The following HUWE1 variants were observed in gnomAD, a reference collection of about 807,000 sequenced individuals.
HUWE1 encodes E3 ubiquitin-protein ligase HUWE1.
HUWE1 carries 18 observed loss-of-function variants against 299.4 expected under a neutral mutation model. The observed-to-expected ratio is 0.06, with a 90% confidence interval of 0.04 to 0.09. HUWE1 has a LOEUF of 0.09. HUWE1 is among the 10% of genes least tolerant of loss of function. The pLI, the probability that HUWE1 is intolerant of heterozygous loss-of-function variation, is 1.00. For synonymous variants in HUWE1, 1,317 were observed against 1,286.1 expected (o/e 1.02, Z -0.51); for missense variants, 1,832 against 3,462.3 (o/e 0.53, Z 11.82).
Position 53,551,362 on chromosome X carries a change from G to A in HUWE1, c.9000C>T (p.Ser3000=). 1 of 1,209,565 alleles carries A rather than the reference G, an allele frequency of 8.3e-7. No individual in the cohort carries two copies. The highest frequency in any genetic ancestry group is 1.1e-6 in the Non-Finnish European group (1 of 894,342). The change falls in exon 64 of 84, where the codon TCC becomes TCT. Residue 3000 remains serine, a synonymous_variant. Coordinates refer to ENST00000262854, the MANE Select transcript of HUWE1 (RefSeq NM_031407.7). ...CCACTGCAGGCGCTGAGCTATTTGTGGAGGGGGCAGTCCGGGTTGGTGGAC... is the reference window on the plus strand; with the variant it reads ...CCACTGCAGGCGCTGAGCTATTTGTAGAGGGGGCAGTCCGGGTTGGTGGAC... ...GIRPPTRTAP[S]TNSSAPAVVG... is the part of the protein sequence containing the mutation.
intron 39 of HUWE1, among the ~76,000 whole-genome samples, chrX:53,586,197 T>C (rs1556973124): frequency 8.9e-6 from 1 of 112,156 alleles, no homozygotes; most frequent in Admixed American, 9.4e-5. Context: ...AGTGAGATGA[T>C]GTGGCACAAT....
intron 19 of HUWE1, among the ~76,000 whole-genome samples, chrX:53,618,086 AACTCT>A (rs1350954022): frequency 1.8e-5 from 2 of 112,146 alleles, no homozygotes; most frequent in Non-Finnish European, 3.8e-5. Context: ...ACATGGGAAA[AACTCT>A]ACTCAAGAGG....
At chrX:53,544,801 TCAAAGTATAAACACC>T (rs782581224) in intron 71 of HUWE1, 39 bp from the exon 72 acceptor site, 1 of 1,085,845 alleles carries the variant, frequency 9.2e-7, no homozygotes, top group East Asian at 3.0e-5. Context: ...ATTGACAGCA[TCAAAGTATAAACACC>T]CAAAGCAAGC....
Position 53,585,272 on chromosome X carries a change from A to G in HUWE1, c.4825-84T>C, listed in dbSNP as rs781802910. 6.0e-5 allele frequency: 58 copies of G among 962,295 alleles called. 1 individual carries two copies. In the South Asian group the frequency reaches 1.1e-3, roughly 18 times the overall value. The allele number at this position is 962,295 out of a possible 1,213,427, so 79.3% of individuals were successfully genotyped here. A position where few individuals can be genotyped will look rare whatever the true frequency, so the allele number is the denominator to read the frequency against. On this transcript the variant is annotated intron_variant, in intron 39 of 83. Transcript: ENST00000262854. ...GTAACTTCATCAGTGTTCACTGCTA[A>G]AACTCACCCAGGAAAAAGAAATATA...
chrX:53,632,595 A>AT, intron 8 of HUWE1, 31 bp from the exon 9 acceptor site: 1 of 1,028,054 alleles, frequency 9.7e-7, no homozygotes, highest in East Asian at 3.0e-5. Context: ...AGAATCAGAC[A>AT]TTGAGTTTCA....
chrX:53,575,891 G>T, intron 44 of HUWE1, 103 bp from the exon 45 acceptor site: 1 of 847,317 alleles, frequency 1.2e-6, no homozygotes, highest in Non-Finnish European at 1.7e-6. Flanking sequence ...ACATCAAGTG[G>T]CTATGACTGT....
intron 3 of HUWE1, among the ~76,000 whole-genome samples, chrX:53,675,661 A>C (rs1207413608): frequency 9.0e-6 from 1 of 111,523 alleles, no homozygotes; most frequent in African/African-American, 3.3e-5. Flanking sequence ...TTAAGCTAAA[A>C]ACTGAACAAT....
intron 7 of HUWE1, among the ~76,000 whole-genome samples, chrX:53,638,515 A>G (rs1346567197): frequency 8.9e-6 from 1 of 112,181 alleles, no homozygotes; most frequent in African/African-American, 3.2e-5. Flanking sequence ...AGGATTTGCT[A>G]AATATTCAGA....
intron 19 of HUWE1, among the ~76,000 whole-genome samples, chrX:53,619,326 A>T (rs1262343334): frequency 9.0e-6 from 1 of 111,244 alleles, no homozygotes; most frequent in Admixed American, 9.6e-5. Flanking sequence ...AATTCTATAG[A>T]GTTACTAAAA....
At chrX:53,684,592 T>C (rs1252466297) in intron 2 of HUWE1, among the ~76,000 whole-genome samples, 1 of 112,160 alleles carries the variant, frequency 8.9e-6, no homozygotes, top group East Asian at 2.8e-4. Context: ...GGCAAGGCTG[T>C]ACCAATTAGC....
intron 3 of HUWE1, among the ~76,000 whole-genome samples, chrX:53,670,381 T>C (rs140167639): frequency 8.1e-5 from 9 of 111,735 alleles, no homozygotes; most frequent in African/African-American, 2.6e-4. Context: ...CTGGGTTTGA[T>C]GCTCAATTTC....
At position 53,575,030 on chromosome X, in the gene HUWE1, A is replaced by C. The variant is rs35473057; in HGVS notation, c.6097+125T>G. On this transcript the variant is annotated intron_variant, in intron 46 of 83. Transcript: ENST00000262854. ...ACACTGAGCTCACCTGAGAAAGTTC[A>C]CTTAGACCAGTAAACGTAATAATTA... 277,071 of 543,908 alleles carry C rather than the reference A, an allele frequency of 0.51. 48,114 individuals carry two copies. The highest frequency in any genetic ancestry group is 0.56 in the Middle Eastern group (1,315 of 2,332). The allele number at this position is 543,908 out of a possible 1,213,427, so 44.8% of individuals were successfully genotyped here.
chrX:53,534,773 C>G (rs1213501659), intron 81 of HUWE1, 76 bp from the exon 82 acceptor site: 2 of 919,685 alleles, frequency 2.2e-6, no homozygotes, highest in Admixed American at 5.0e-5. Context: ...CCATCTGGCT[C>G]CCATCTACCA....
At chrX:53,557,173 C>T (rs782719709) in intron 60 of HUWE1, 2 of 545,491 alleles carry the variant, frequency 3.7e-6, no homozygotes, top group Non-Finnish European at 6.8e-6. Flanking sequence ...CAGAGCCAGT[C>T]GGAGAAGAAG....
rs968652944 is a variant in HUWE1, at chrX:53,662,691, T to C, written c.-24-8560A>G. On this transcript the variant is annotated intron_variant, in intron 3 of 83. Coordinates refer to ENST00000262854, the MANE Select transcript of HUWE1 (RefSeq NM_031407.7). ...AAAGACGTATGCATTAAGAATAAAATCTGTGATTGTCAGCACACATATATT... is the reference window on the plus strand; with the variant it reads ...AAAGACGTATGCATTAAGAATAAAACCTGTGATTGTCAGCACACATATATT... Among the ~76,000 whole-genome samples, 5 of 112,260 alleles carry C rather than the reference T, an allele frequency of 4.5e-5. No individual in the cohort carries two copies. The Admixed American group carries it at 4.7e-4, about 11-fold the overall frequency.
At chrX:53,591,577 T>C (rs1556979040) in intron 33 of HUWE1, among the ~76,000 whole-genome samples, 1 of 111,754 alleles carries the variant, frequency 8.9e-6, no homozygotes, top group Non-Finnish European at 1.9e-5. Flanking sequence ...AACACAGTGT[T>C]AAAACATCAA....
At chrX:53,577,998 A>G in intron 43 of HUWE1, among the ~76,000 whole-genome samples, 1 of 109,143 alleles carries the variant, frequency 9.2e-6, no homozygotes, top group African/African-American at 3.5e-5. Flanking sequence ...CTGGGATGTG[A>G]GGAGCCCCTC....
At chrX:53,580,555 T>C (rs899026446) in intron 43 of HUWE1, among the ~76,000 whole-genome samples, 59 of 112,047 alleles carry the variant, frequency 5.3e-4, no homozygotes, top group African/African-American at 1.9e-3. Context: ...CCATTAACTA[T>C]ATGTAAAGCC....
rs1556939420 is a variant in HUWE1 at position 53,560,119 on chromosome X, G to A, written c.7736+69C>T. 7.8e-6 allele frequency: 7 copies of A among 893,344 alleles called. No homozygotes were observed. The African/African-American group carries it at 1.2e-4, about 15-fold the overall frequency. The allele number at this position is 893,344 out of a possible 1,213,427, so 73.6% of individuals were successfully genotyped here. A position where few individuals can be genotyped will look rare whatever the true frequency, so the allele number is the denominator to read the frequency against. ...GATGGACTATTTCCCCCAAGGTTAAGACAATGCTAAAGCACAGTGAAAATT... is the reference window on the plus strand; with the variant it reads ...GATGGACTATTTCCCCCAAGGTTAAAACAATGCTAAAGCACAGTGAAAATT... On this transcript the variant is annotated intron_variant, in intron 56 of 83. Coordinates refer to ENST00000262854, the MANE Select transcript of HUWE1 (RefSeq NM_031407.7).
Sources: gnomAD v4.1 joint callset for allele counts (sites outside exome capture counted in the v4.1 genomes callset) on GRCh38, gnomAD v4.1.1 for gene constraint, MANE v1.5 for transcripts, NCBI Gene and HGNC (gene_info 2026-07-23, HGNC 2026-07-21) for gene names.